SUPT3H: variants seen among roughly 807,000 people sequenced by gnomAD.
SUPT3H encodes SPT3 homolog, SAGA and STAGA complex component, also known as transcription initiation protein SPT3 homolog.
In SUPT3H, 44 loss-of-function variants were observed where a neutral mutation model predicts 44.3. The observed-to-expected ratio is 0.99, with a 90% confidence interval of 0.78 to 1.28. The LOEUF is 1.28. Ranked by LOEUF, SUPT3H falls within the 50% of genes most tolerant of loss-of-function variation. The pLI is 0.00. For synonymous variants in SUPT3H, 124 were observed against 125.6 expected (o/e 0.99, Z 0.09); for missense variants, 380 against 387.1 (o/e 0.98, Z 0.15).
chr6:45,091,299 C>A (rs1045835022), intron 3 of SUPT3H, among the ~76,000 whole-genome samples: 2 of 151,898 alleles, frequency 1.3e-5, no homozygotes, highest in Non-Finnish European at 2.9e-5. Context: ...GCTTACCTTT[C>A]TTGGCACTTC....
chr6:45,200,991 TA>T (rs1346690533), intron 2 of SUPT3H, among the ~76,000 whole-genome samples: 1 of 151,588 alleles, frequency 6.6e-6, no homozygotes, highest in Non-Finnish European at 1.5e-5. Flanking sequence ...AGCACCTATG[TA>T]TTACTTCCTT....
chr6:45,177,969 CA>C (rs1357358350), intron 2 of SUPT3H, among the ~76,000 whole-genome samples: 2 of 152,108 alleles, frequency 1.3e-5, no homozygotes, highest in African/African-American at 4.8e-5. Flanking sequence ...AAAATCATGC[CA>C]AAATGTAAAG....
chr6:45,332,784 T>C (rs1343639631), intron 2 of SUPT3H, among the ~76,000 whole-genome samples: 3 of 151,752 alleles, frequency 2.0e-5, no homozygotes, highest in African/African-American at 7.2e-5. Flanking sequence ...ATACTAAAAT[T>C]GTAATTATGG....
At chr6:44,921,325 A>T (rs1003038332) in intron 10 of SUPT3H, among the ~76,000 whole-genome samples, 1 of 152,202 alleles carries the variant, frequency 6.6e-6, no homozygotes, top group East Asian at 1.9e-4. Flanking sequence ...TCAGGAAGGC[A>T]TGTACTTTGG....
At chr6:45,128,553 TATATACACACAC>T (rs1460374549) in intron 2 of SUPT3H, among the ~76,000 whole-genome samples, 137 of 64,426 alleles carry the variant, frequency 2.1e-3, no homozygotes, top group Admixed American at 3.8e-3. Flanking sequence ...TATATATATA[TATATACACACAC>T]ACACACACAC....
downstream of SUPT3H, among the ~76,000 whole-genome samples, chr6:44,823,450 T>C (rs1010604007): frequency 6.6e-6 from 1 of 152,058 alleles, no homozygotes; most frequent in African/African-American, 2.4e-5. Flanking sequence ...CTTCTACACA[T>C]TGCCATGGAA....
Position 44,827,263 on chromosome 6 carries a change from T to A in SUPT3H, c.*2553A>T, listed in dbSNP as rs556242731. Among the ~76,000 whole-genome samples, 1 of 152,312 alleles carries A rather than the reference T, an allele frequency of 6.6e-6. No homozygotes were observed. Among genetic ancestry groups the A allele is most frequent in the South Asian group, 2.1e-4 (1 of 4,826 alleles). On this transcript the variant is annotated 3_prime_UTR_variant, in exon 11 of 11. Transcript: ENST00000371459. ...CAGTCACACTGAAGATTTTACTATA[T>A]AACACGTATGCTTTAGGATGTATCC...
chr6:44,853,123 T>C (rs1361137950), intron 10 of SUPT3H, among the ~76,000 whole-genome samples: 1 of 152,232 alleles, frequency 6.6e-6, no homozygotes, highest in East Asian at 1.9e-4. Context: ...ACTCTGTGCT[T>C]GGGACTATTC....
chr6:45,047,955 A>C (rs1213841111), intron 3 of SUPT3H, among the ~76,000 whole-genome samples: 1 of 151,886 alleles, frequency 6.6e-6, no homozygotes, highest in Non-Finnish European at 1.5e-5. Flanking sequence ...CTAATATCAA[A>C]TCTTTATTCC....
At chr6:44,888,941 T>C (rs9472398) in intron 10 of SUPT3H, among the ~76,000 whole-genome samples, 85,872 of 87,474 alleles carry the variant, frequency 0.98, 42,252 homozygotes, top group East Asian at 1. Context: ...AATCAATGTA[T>C]AAAAATCACA....
chr6:45,004,495 T>C (rs996649113), intron 5 of SUPT3H, among the ~76,000 whole-genome samples: 6 of 152,096 alleles, frequency 3.9e-5, no homozygotes, highest in East Asian at 3.9e-4. Context: ...CTTAGGTCCA[T>C]AGATCTTTTT....
chr6:45,365,545 C>T (rs1231472318), intron 1 of SUPT3H, among the ~76,000 whole-genome samples: 5 of 151,132 alleles, frequency 3.3e-5, no homozygotes, highest in African/African-American at 1.2e-4. Flanking sequence ...ACTTTAGCAC[C>T]TATTTTACAA....
intron 2 of SUPT3H, among the ~76,000 whole-genome samples, chr6:45,158,680 T>C (rs529827738): frequency 2.0e-5 from 3 of 152,230 alleles, no homozygotes; most frequent in African/African-American, 7.2e-5. Flanking sequence ...TGTCAGAGTA[T>C]AGGAATGGCT....
At chr6:45,046,407 T>C (rs981902485) in intron 3 of SUPT3H, among the ~76,000 whole-genome samples, 79 of 152,310 alleles carry the variant, frequency 5.2e-4, no homozygotes, top group African/African-American at 1.7e-3. Flanking sequence ...CTCAGCTCAC[T>C]GCAACCTCCG....
intron 10 of SUPT3H, among the ~76,000 whole-genome samples, chr6:44,835,973 A>G (rs562948427): frequency 5.9e-5 from 9 of 152,126 alleles, no homozygotes; most frequent in Non-Finnish European, 8.8e-5. Flanking sequence ...TGAAAGACAT[A>G]TTGTTTTGCT....
chr6:44,856,146 T>C (rs1422927426), intron 10 of SUPT3H, among the ~76,000 whole-genome samples: 1 of 152,232 alleles, frequency 6.6e-6, no homozygotes, highest in Non-Finnish European at 1.5e-5. Context: ...AAACCGCTTG[T>C]ACTCAGTTGT....
chr6:45,199,487 GA>G (rs575447320), intron 2 of SUPT3H, among the ~76,000 whole-genome samples: 16 of 145,406 alleles, frequency 1.1e-4, no homozygotes, highest in African/African-American at 2.2e-4. Flanking sequence ...TTCTTACAGT[GA>G]AAAAAAAAAG....
intron 2 of SUPT3H, among the ~76,000 whole-genome samples, chr6:45,236,544 C>T (rs1336826387): frequency 1.3e-5 from 2 of 151,924 alleles, no homozygotes; most frequent in African/African-American, 4.8e-5. Context: ...TTCTGCACCC[C>T]CTCCTTATTT....
At chr6:44,890,431 T>A (rs13220907) in intron 10 of SUPT3H, among the ~76,000 whole-genome samples, 59,460 of 151,386 alleles carry the variant, frequency 0.39, 12,668 homozygotes, top group Non-Finnish European at 0.48. Flanking sequence ...GTGCAGCCAT[T>A]AAAAATGATG....
Sources: gnomAD v4.1 joint callset for allele counts (sites outside exome capture counted in the v4.1 genomes callset) on GRCh38, gnomAD v4.1.1 for gene constraint, MANE v1.5 for transcripts, NCBI Gene and HGNC (gene_info 2026-07-23, HGNC 2026-07-21) for gene names.